The following SPOCK3 variants were observed in gnomAD, a reference collection of about 807,000 sequenced individuals.
The protein encoded by SPOCK3 is SPARC (osteonectin), cwcv and kazal like domains proteoglycan 3, also known as testican-3.
Under a neutral mutation model 56.6 loss-of-function variants are expected in SPOCK3, and 30 were observed. That is an observed-to-expected ratio of 0.53 (90% CI 0.40 to 0.72). The LOEUF is 0.72. Among genes scored for constraint, SPOCK3 ranks in the 30% least tolerant of loss-of-function variants. The pLI is 0.00. For missense variants in SPOCK3, 527 were observed against 530.0 expected (o/e 0.99, Z 0.06); for synonymous variants, 196 against 183.3 (o/e 1.07, Z -0.56).
intron 2 of SPOCK3, among the ~76,000 whole-genome samples, chr4:167,109,488 A>ATATTTATATATTTTATATAAAATATAT (rs1760697659): frequency 1.3e-5 from 1 of 76,696 alleles, no homozygotes; most frequent in Non-Finnish European, 2.7e-5. Flanking sequence ...TATATAAAAT[A>ATATTTATATATTTTATATAAAATATAT]TATTTATATA....
At chr4:166,819,957 A>G (rs1744758086) in intron 6 of SPOCK3, among the ~76,000 whole-genome samples, 1 of 152,012 alleles carries the variant, frequency 6.6e-6, no homozygotes, top group Non-Finnish European at 1.5e-5. Flanking sequence ...CCTGGCCTCA[A>G]GTGACCTTCC....
At chr4:167,180,075 C>G (rs1731315946) in intron 2 of SPOCK3, among the ~76,000 whole-genome samples, 1 of 152,152 alleles carries the variant, frequency 6.6e-6, no homozygotes, top group African/African-American at 2.4e-5. Flanking sequence ...GACTCAATGA[C>G]AGAGCCTGAG....
chr4:166,985,914 ATAT>A (rs1410454012), intron 4 of SPOCK3, among the ~76,000 whole-genome samples: 1 of 152,286 alleles, frequency 6.6e-6, no homozygotes, highest in African/African-American at 2.4e-5. Context: ...AGTTAAGGTG[ATAT>A]TATTACATTT....
intron 3 of SPOCK3, among the ~76,000 whole-genome samples, chr4:167,014,961 ATAT>A (rs1159577131): frequency 6.6e-6 from 1 of 151,968 alleles, no homozygotes; most frequent in Non-Finnish European, 1.5e-5. Context: ...TTTTTCTAAA[ATAT>A]TATTATTTTA....
At chr4:167,219,021 A>G (rs542113264) in intron 2 of SPOCK3, among the ~76,000 whole-genome samples, 1 of 152,300 alleles carries the variant, frequency 6.6e-6, no homozygotes, top group South Asian at 2.1e-4. Flanking sequence ...AGTGTATAAC[A>G]TCTCAACTCC....
chr4:167,208,992 C>CT (rs1389540348), intron 2 of SPOCK3, among the ~76,000 whole-genome samples: 1 of 152,044 alleles, frequency 6.6e-6, no homozygotes, highest in Non-Finnish European at 1.5e-5. Flanking sequence ...AGTGAAATAT[C>CT]TTTTTTGTCA....
chr4:166,985,499 T>C lies in SPOCK3; in HGVS notation c.350+14850A>G, dbSNP rs191662170. 1.9e-4 allele frequency among the ~76,000 whole-genome samples: 29 copies of C among 152,288 alleles called. No homozygotes were observed. The East Asian group carries it at 3.5e-3, about 18-fold the overall frequency. On this transcript the variant is annotated intron_variant, in intron 4 of 10. Coordinates refer to ENST00000357545, the MANE Select transcript of SPOCK3 (RefSeq NM_001040159.2). Reference sequence around the variant, plus strand: ...CAGAAAACATGTCACTTTGTACTCATTATCTGTTTTTAGCAAACATTCAGG... The same window carrying C: ...CAGAAAACATGTCACTTTGTACTCACTATCTGTTTTTAGCAAACATTCAGG...
Position 166,887,150 on chromosome 4 carries a change from T to C in SPOCK3, c.589+1980A>G, listed in dbSNP as rs139437267. Among the ~76,000 whole-genome samples the C allele has an allele frequency of 2.8e-3, 422 of 152,324 alleles. 1 individual carries two copies. Among genetic ancestry groups the C allele is most frequent in the African/African-American group, 9.8e-3 (407 of 41,592 alleles). ...ATTATTGTTTATTCACAAGAGATCC[T>C]CTTCTCAGATGTGCTACCTTCCATC... On this transcript the variant is annotated intron_variant, in intron 6 of 10. Coordinates refer to ENST00000357545, the MANE Select transcript of SPOCK3 (RefSeq NM_001040159.2).
At chr4:167,024,285 A>G (rs1053974311) in intron 3 of SPOCK3, among the ~76,000 whole-genome samples, 1 of 152,108 alleles carries the variant, frequency 6.6e-6, no homozygotes, top group African/African-American at 2.4e-5. Flanking sequence ...ATTTGCTAAA[A>G]AAATTAAAAA....
intron 7 of SPOCK3, among the ~76,000 whole-genome samples, chr4:166,762,067 A>T (rs1028971813): frequency 1.5e-5 from 2 of 133,180 alleles, no homozygotes; most frequent in African/African-American, 5.3e-5. Context: ...TGGCATTTTC[A>T]TAAAAGTATT....
intron 6 of SPOCK3, among the ~76,000 whole-genome samples, chr4:166,865,110 G>T (rs1341179906): frequency 2.0e-5 from 3 of 152,236 alleles, no homozygotes; most frequent in Non-Finnish European, 4.4e-5. Flanking sequence ...TCATCCCTAG[G>T]ATGCAAGGCT....
At chr4:166,835,735 A>G (rs1436248419) in intron 6 of SPOCK3, among the ~76,000 whole-genome samples, 1 of 152,192 alleles carries the variant, frequency 6.6e-6, no homozygotes. Flanking sequence ...TTGGCCGGGC[A>G]TGGTGGCTCA....
intron 7 of SPOCK3, among the ~76,000 whole-genome samples, chr4:166,775,030 T>C (rs1055277340): frequency 4.6e-5 from 7 of 152,218 alleles, no homozygotes; most frequent in African/African-American, 1.7e-4. Flanking sequence ...TCTTTAGAAT[T>C]CTTCCTACCA....
At chr4:167,056,001 G>C (rs28896587) in intron 3 of SPOCK3, among the ~76,000 whole-genome samples, 2,336 of 152,276 alleles carry the variant, frequency 0.015, 66 homozygotes, top group African/African-American at 0.053. Flanking sequence ...ACTGCCTCCT[G>C]AAGTGGGTCC....
chr4:166,737,322 T>A (rs1011833472), intron 10 of SPOCK3, 145 bp downstream of exon 10: 8 of 805,118 alleles, frequency 9.9e-6, no homozygotes, highest in South Asian at 2.5e-5. Context: ...AGGAGTAAGT[T>A]TTTTTTGTCA....
At chr4:166,783,657 G>A (rs570472360) in intron 7 of SPOCK3, among the ~76,000 whole-genome samples, 6 of 152,066 alleles carry the variant, frequency 3.9e-5, no homozygotes, top group Admixed American at 2.6e-4. Context: ...TTTTGTATTG[G>A]CTAGCATATG....
intron 4 of SPOCK3, among the ~76,000 whole-genome samples, chr4:166,921,648 A>G (rs887762289): frequency 1.8e-4 from 27 of 152,184 alleles, no homozygotes; most frequent in Non-Finnish European, 2.6e-4. Context: ...AACCAGGAGT[A>G]GGGGCAGACT....
chr4:166,795,636 AT>A (rs1457482684), intron 6 of SPOCK3, among the ~76,000 whole-genome samples: 2 of 151,910 alleles, frequency 1.3e-5, no homozygotes, highest in African/African-American at 4.8e-5. Context: ...AATTAATTAA[AT>A]TTGATAAATA....
chr4:166,744,607 A>G (rs1477221290), intron 8 of SPOCK3, among the ~76,000 whole-genome samples: 1 of 152,196 alleles, frequency 6.6e-6, no homozygotes, highest in African/African-American at 2.4e-5. Context: ...CCTCACCAGC[A>G]ACAGAACAAA....
Sources: allele counts gnomAD v4.1 joint callset (sites outside exome capture counted in the v4.1 genomes callset), GRCh38; gene constraint gnomAD v4.1.1; transcripts MANE v1.5; gene names NCBI Gene and HGNC (gene_info 2026-07-23, HGNC 2026-07-21).